The following LRRC37A2 variants were observed in gnomAD, a reference collection of about 807,000 sequenced individuals.
The protein encoded by LRRC37A2 is leucine rich repeat containing 37 member A2.
In LRRC37A2, 9 loss-of-function variants were observed where a neutral mutation model predicts 68.8. That is an observed-to-expected ratio of 0.13 (90% CI 0.08 to 0.23). The LOEUF (loss-of-function observed/expected upper bound fraction) is 0.23, where lower values mean the gene tolerates loss of function less well. Ranked by LOEUF, LRRC37A2 falls within the 10% of genes least tolerant of loss-of-function variation. The pLI, the probability that LRRC37A2 is intolerant of heterozygous loss-of-function variation, is 1.00. For synonymous variants in LRRC37A2, 63 were observed against 367.6 expected (o/e 0.17, Z 9.48); for missense variants, 168 against 950.4 (o/e 0.18, Z 10.82).
At chr17:46,838,310 CG>C in the LRRC37A2 span, among the ~76,000 whole-genome samples, 25 of 146,748 alleles carry the variant, frequency 1.7e-4, no homozygotes, top group East Asian at 4.9e-3. Flanking sequence ...AGAGATAGAA[CG>C]GGGCCTGCCT....
At chr17:46,728,439 A>G in the LRRC37A2 span, among the ~76,000 whole-genome samples, 1 of 152,128 alleles carries the variant, frequency 6.6e-6, no homozygotes, top group Admixed American at 6.6e-5. Context: ...ACATGAACTC[A>G]AAGTGAATAT....
At chr17:46,392,431 C>CTCTCTCTTTCTT in the LRRC37A2 span, among the ~76,000 whole-genome samples, 3 of 29,688 alleles carry the variant, frequency 1.0e-4, 1 homozygote, top group African/African-American at 2.3e-4. Context: ...CTTTCTTTCT[C>CTCTCTCTTTCTT]TCTTTCTTTC....
At chr17:47,021,446 GGC>G in the LRRC37A2 span, 1 of 248,462 alleles carries the variant, frequency 4.0e-6, no homozygotes, top group Non-Finnish European at 7.1e-6. Context: ...GGTGTTACCT[GGC>G]ATAGGGTTTC....
At chr17:46,636,118 CAT>C in the LRRC37A2 span, among the ~76,000 whole-genome samples, 13 of 29,514 alleles carry the variant, frequency 4.4e-4, no homozygotes, top group East Asian at 4.5e-3. Flanking sequence ...TTTGTTTTAA[CAT>C]ATATTTTTCT....
chr17:47,002,846 A>G, the LRRC37A2 span, among the ~76,000 whole-genome samples: 1 of 151,684 alleles, frequency 6.6e-6, no homozygotes, highest in East Asian at 1.9e-4. Context: ...GTTCCATTGT[A>G]TGAATGTACC....
At chr17:46,803,086 A>G in the LRRC37A2 span, among the ~76,000 whole-genome samples, 1 of 152,186 alleles carries the variant, frequency 6.6e-6, no homozygotes, top group Non-Finnish European at 1.5e-5. Context: ...TCAGAATTGA[A>G]TTGGATTAGA....
intron 6 of LRRC37A2, among the ~76,000 whole-genome samples, chr17:46,529,177 G>A (rs1319357941): frequency 7.3e-6 from 1 of 137,174 alleles, no homozygotes. Context: ...ATCTGGACCT[G>A]TACAGAAGAA....
intron 6 of LRRC37A2, among the ~76,000 whole-genome samples, chr17:46,526,497 A>T (rs1396432028): frequency 1.9e-5 from 2 of 104,890 alleles, no homozygotes; most frequent in African/African-American, 7.3e-5. Context: ...GCCCCTGGAA[A>T]TTTTTGTATT....
chr17:46,794,633 T>G, the LRRC37A2 span, among the ~76,000 whole-genome samples: 1 of 152,122 alleles, frequency 6.6e-6, no homozygotes. Flanking sequence ...CCAGTCAAAC[T>G]TTCGACAGTC....
the LRRC37A2 span, among the ~76,000 whole-genome samples, chr17:46,996,442 G>T: frequency 6.6e-6 from 1 of 152,134 alleles, no homozygotes; most frequent in African/African-American, 2.4e-5. Context: ...CCATGACCTG[G>T]GTTATGTGTC....
chr17:46,932,206 C>A, the LRRC37A2 span: 4 of 1,613,830 alleles, frequency 2.5e-6, no homozygotes, highest in Admixed American at 6.7e-5. Flanking sequence ...TAACGTAAGC[C>A]AGGCCCGTGG....
chr17:46,396,429 ATAAGT>A, the LRRC37A2 span, among the ~76,000 whole-genome samples: 2 of 29,976 alleles, frequency 6.7e-5, no homozygotes, highest in Admixed American at 2.7e-4. Flanking sequence ...ACGCAGAAAA[ATAAGT>A]TAAAGATAGA....
the LRRC37A2 span, among the ~76,000 whole-genome samples, chr17:46,980,727 G>A: frequency 2.0e-5 from 3 of 150,818 alleles, no homozygotes; most frequent in South Asian, 6.3e-4. Flanking sequence ...CAGCTACTCA[G>A]GAGGCTGAGG....
At chr17:46,747,008 G>C in the LRRC37A2 span, among the ~76,000 whole-genome samples, 39 of 152,280 alleles carry the variant, frequency 2.6e-4, no homozygotes, top group Non-Finnish European at 5.0e-4. Flanking sequence ...CTTTGGGAAG[G>C]AGACTGGAAG....
the LRRC37A2 span, chr17:46,941,157 T>C: frequency 9.9e-7 from 1 of 1,008,574 alleles, no homozygotes; most frequent in Non-Finnish European, 1.2e-6. Context: ...TACATGGACA[T>C]TTACTTCAGG....
chr17:46,984,243 C>A, the LRRC37A2 span, among the ~76,000 whole-genome samples: 2 of 151,884 alleles, frequency 1.3e-5, no homozygotes, highest in African/African-American at 4.8e-5. Context: ...AATAGCACAG[C>A]CAGGATTTAA....
the LRRC37A2 span, chr17:46,978,889 G>T: frequency 6.5e-7 from 1 of 1,534,702 alleles, no homozygotes; most frequent in East Asian, 2.5e-5. Context: ...TGCGCCCCCT[G>T]GACAGCAGCC....
the LRRC37A2 span, among the ~76,000 whole-genome samples, chr17:46,726,369 A>G: frequency 6.6e-6 from 1 of 152,220 alleles, no homozygotes; most frequent in Admixed American, 6.5e-5. Flanking sequence ...TGCTGAAAAC[A>G]GCCTTAGCCT....
the LRRC37A2 span, among the ~76,000 whole-genome samples, chr17:46,834,846 G>T: frequency 6.6e-6 from 1 of 152,284 alleles, no homozygotes; most frequent in South Asian, 2.1e-4. Flanking sequence ...TCTCTAGCTT[G>T]TTCAGGGAAG....
Sources: gnomAD v4.1 joint callset for allele counts (sites outside exome capture counted in the v4.1 genomes callset) on GRCh38, gnomAD v4.1.1 for gene constraint, MANE v1.5 for transcripts, NCBI Gene and HGNC (gene_info 2026-07-23, HGNC 2026-07-21) for gene names.